The following CFDP1 variants were observed in gnomAD, a reference collection of about 807,000 sequenced individuals.
CFDP1 encodes the protein heterochromatin-stabilizing protein CFDP1.
CFDP1 carries 31 observed loss-of-function variants against 40.1 expected under a neutral mutation model. That is an observed-to-expected ratio of 0.77 (90% CI 0.58 to 1.04). The LOEUF is 1.04. Among genes scored for constraint, CFDP1 ranks in the 50% least tolerant of loss-of-function variants. The probability of loss-of-function intolerance (pLI) is 0.00; values close to 1 mark genes in which losing one functional copy is unlikely to be tolerated. For missense variants in CFDP1, 423 were observed against 343.4 expected (o/e 1.23, Z -1.83); for synonymous variants, 167 against 120.0 (o/e 1.39, Z -2.56).
chr16:75,367,220 G>C (rs1433378533), intron 5 of CFDP1, among the ~76,000 whole-genome samples: 2 of 151,062 alleles, frequency 1.3e-5, no homozygotes, highest in Non-Finnish European at 1.5e-5. Context: ...ATTTGTATTT[G>C]GATGAATTTT....
intron 5 of CFDP1, among the ~76,000 whole-genome samples, chr16:75,364,141 AAAC>A (rs932946709): frequency 4.7e-5 from 5 of 106,298 alleles, no homozygotes; most frequent in African/African-American, 1.4e-4. Context: ...AAAACAAAAC[AAAC>A]AAACAAACAA....
intron 5 of CFDP1, among the ~76,000 whole-genome samples, chr16:75,368,383 T>G (rs1597358748): frequency 6.6e-6 from 1 of 151,938 alleles, no homozygotes; most frequent in East Asian, 1.9e-4. Flanking sequence ...GGTGGTGGAG[T>G]GGATGGAGAG....
intron 4 of CFDP1, among the ~76,000 whole-genome samples, chr16:75,406,127 C>T (rs1252067273): frequency 6.6e-6 from 1 of 151,924 alleles, no homozygotes; most frequent in Non-Finnish European, 1.5e-5. Flanking sequence ...GTAATCCCAA[C>T]ACTTTGGGAG....
chr16:75,317,089 G>A (rs549949008), intron 5 of CFDP1, among the ~76,000 whole-genome samples: 17 of 152,378 alleles, frequency 1.1e-4, no homozygotes, highest in Admixed American at 5.2e-4. Context: ...GTCCTAGATT[G>A]GACAGGCAAG....
At chr16:75,329,052 T>A (rs557221420) in intron 5 of CFDP1, among the ~76,000 whole-genome samples, 4 of 152,246 alleles carry the variant, frequency 2.6e-5, no homozygotes, top group African/African-American at 9.6e-5. Flanking sequence ...TTTCTCCATG[T>A]TGGTCAGGCT....
At chr16:75,350,101 T>C (rs187420941) in intron 5 of CFDP1, among the ~76,000 whole-genome samples, 5 of 152,318 alleles carry the variant, frequency 3.3e-5, no homozygotes. Flanking sequence ...TATAGCTGAA[T>C]AATATTCTAC....
intron 4 of CFDP1, among the ~76,000 whole-genome samples, chr16:75,405,755 A>C (rs1243456534): frequency 1.3e-5 from 2 of 150,450 alleles, no homozygotes; most frequent in African/African-American, 4.9e-5. Flanking sequence ...ATCTCAAAAA[A>C]AAAAAAAAAA....
intron 5 of CFDP1, among the ~76,000 whole-genome samples, chr16:75,383,333 T>C (rs1232838424): frequency 6.6e-6 from 1 of 152,228 alleles, no homozygotes; most frequent in Non-Finnish European, 1.5e-5. Context: ...TGAATCTTTC[T>C]GTACAGTCAG....
chr16:75,370,777 G>A lies in CFDP1; in HGVS notation c.650+24313C>T, dbSNP rs778171094. On this transcript the variant is annotated intron_variant, in intron 5 of 6. Transcript: ENST00000283882. ...CTTGGGAAGCTGAGGCACAAGAATC[G>A]CTTGAACCCAGCAGGCAGAGGCTGC... 3.3e-5 allele frequency among the ~76,000 whole-genome samples: 5 copies of A among 152,024 alleles called. No individual in the cohort carries two copies. The East Asian group carries it at 5.8e-4, about 18-fold the overall frequency.
chr16:75,396,689 C>A (rs1350203279), intron 4 of CFDP1, among the ~76,000 whole-genome samples: 1 of 106,012 alleles, frequency 9.4e-6, no homozygotes, highest in African/African-American at 2.8e-5. Context: ...AACTTCAAAT[C>A]TGAAAAAATT....
At chr16:75,356,906 T>G (rs895582708) in intron 5 of CFDP1, among the ~76,000 whole-genome samples, 2 of 38,510 alleles carry the variant, frequency 5.2e-5, no homozygotes, top group Non-Finnish European at 7.1e-5. Context: ...ACAGCTGCTT[T>G]CTTTCTTTTT....
Position 75,323,901 on chromosome 16 carries a change from G to A in CFDP1, c.651-18719C>T, listed in dbSNP as rs551230896. 2.6e-5 allele frequency among the ~76,000 whole-genome samples: 4 copies of A among 152,288 alleles called. No homozygotes were observed. In the South Asian group the frequency reaches 8.3e-4, roughly 32 times the overall value. On this transcript the variant is annotated intron_variant, in intron 5 of 6. Coordinates refer to ENST00000283882, the MANE Select transcript of CFDP1 (RefSeq NM_006324.3). ...CCAGCATCACTGTGAACACACGAGT[G>A]GTGTGTGACTGTATTTATTTTTACT...
chr16:75,318,967 C>T (rs993149874), intron 5 of CFDP1, among the ~76,000 whole-genome samples: 3 of 152,224 alleles, frequency 2.0e-5, no homozygotes, highest in African/African-American at 4.8e-5. Flanking sequence ...TGAGAAGGCA[C>T]ATTAAGCACA....
intron 4 of CFDP1, among the ~76,000 whole-genome samples, chr16:75,409,662 AG>A (rs1246865365): frequency 6.6e-6 from 1 of 152,134 alleles, no homozygotes; most frequent in Non-Finnish European, 1.5e-5. Context: ...CCTTGGTCGT[AG>A]GAGACACGTG....
chr16:75,384,360 CAAA>C (rs770350159), intron 5 of CFDP1, among the ~76,000 whole-genome samples: 2 of 150,944 alleles, frequency 1.3e-5, no homozygotes, highest in African/African-American at 2.4e-5. Flanking sequence ...GACTCCATCT[CAAA>C]AAAAAGAGAA....
Position 75,412,747 on chromosome 16 carries a change from T to G in CFDP1, c.190A>C (p.Arg64=). Reference sequence around the variant, plus strand: ...TCTTCTAATGAGAGGCCACCTTGTCTTCTCTTCCTAATCACCAGCAGTCAC... The same window carrying G: ...TCTTCTAATGAGAGGCCACCTTGTCGTCTCTTCCTAATCACCAGCAGTCAC... The part of the protein sequence containing the change: ...KAQSIPARKR[R]QGGLSLEEEE... Residue 64 remains arginine (R), a synonymous_variant, in exon 3 of 7, where the codon AGA becomes CGA. Transcript: ENST00000283882. The G allele has an allele frequency of 6.2e-7, 1 of 1,612,560 alleles. No individual in the cohort carries two copies. The highest frequency in any genetic ancestry group is 8.5e-7 in the Non-Finnish European group (1 of 1,179,340).
rs368995298 is a variant in CFDP1, at chr16:75,386,076, T to C, written c.650+9014A>G. Among the ~76,000 whole-genome samples the C allele has an allele frequency of 9.9e-5, 15 of 152,116 alleles. No homozygotes were observed. The East Asian group carries it at 1.2e-3, about 12-fold the overall frequency. On this transcript the variant is annotated intron_variant, in intron 5 of 6. Coordinates refer to ENST00000283882, the MANE Select transcript of CFDP1 (RefSeq NM_006324.3). ...GATCCTAGCAAACCACCATGGCACATGGATTCCTATGTAACAAACCTGCAT... is the reference window on the plus strand; with the variant it reads ...GATCCTAGCAAACCACCATGGCACACGGATTCCTATGTAACAAACCTGCAT...
chr16:75,318,437 A>G (rs1487140873), intron 5 of CFDP1, among the ~76,000 whole-genome samples: 5 of 138,400 alleles, frequency 3.6e-5, no homozygotes, highest in African/African-American at 2.7e-5. Flanking sequence ...ATGAAGTCTC[A>G]CTCTGTCGCC....
At chr16:75,347,365 G>GAAAAAA (rs1555556955) in intron 5 of CFDP1, among the ~76,000 whole-genome samples, 1 of 70,090 alleles carries the variant, frequency 1.4e-5, no homozygotes, top group Admixed American at 1.3e-4. Context: ...AAAAAAAAAA[G>GAAAAAA]AAAAAGAAAA....
Sources: allele counts gnomAD v4.1 joint callset (sites outside exome capture counted in the v4.1 genomes callset), GRCh38; gene constraint gnomAD v4.1.1; transcripts MANE v1.5; gene names NCBI Gene and HGNC (gene_info 2026-07-23, HGNC 2026-07-21).